ERI1: variants seen among roughly 807,000 people sequenced by gnomAD.
ERI1 encodes the protein 3'-5' exoribonuclease 1.
ERI1 carries 39 observed loss-of-function variants against 39.7 expected under a neutral mutation model. The ratio of observed to expected loss-of-function variants is 0.98; its 90% CI spans 0.76 to 1.28. The LOEUF (loss-of-function observed/expected upper bound fraction) is 1.28. ERI1 is among the 50% of genes most tolerant of loss of function. The probability of loss-of-function intolerance (pLI) is 0.00; values close to 1 mark genes in which losing one functional copy is unlikely to be tolerated. For synonymous variants in ERI1, 204 were observed against 149.6 expected (o/e 1.36, Z -2.65); for missense variants, 581 against 416.9 (o/e 1.39, Z -3.43).
chr8:9,055,823 A>T (rs1798489699), intron 3 of ERI1, among the ~76,000 whole-genome samples: 1 of 152,160 alleles, frequency 6.6e-6, no homozygotes, highest in Non-Finnish European at 1.5e-5. Context: ...TACAGGCATG[A>T]GCCACTGTGC....
intron 4 of ERI1, among the ~76,000 whole-genome samples, chr8:9,017,912 G>A (rs551695219): frequency 7.9e-5 from 12 of 152,174 alleles, no homozygotes; most frequent in Non-Finnish European, 1.6e-4. Context: ...TGTAGTATGC[G>A]TGGAAAATTG....
chr8:9,015,722 C>CAAA (rs758835506), intron 3 of ERI1, among the ~76,000 whole-genome samples: 724 of 56,072 alleles, frequency 0.013, 38 homozygotes, highest in African/African-American at 0.036. Context: ...ACTCTGTCTC[C>CAAA]AAAAAAAAAA....
chr8:9,023,506 A>G (rs1818141213), intron 6 of ERI1, among the ~76,000 whole-genome samples: 1 of 152,138 alleles, frequency 6.6e-6, no homozygotes, highest in Non-Finnish European at 1.5e-5. Context: ...ATAAGGCAAT[A>G]AAATGCTCCC....
chr8:9,081,790 G>C (rs201173334), intron 3 of ERI1, among the ~76,000 whole-genome samples: 5 of 151,630 alleles, frequency 3.3e-5, no homozygotes, highest in Admixed American at 2.0e-4. Flanking sequence ...AAGCTCCCCT[G>C]TACAGAGACA....
intron 3 of ERI1, among the ~76,000 whole-genome samples, chr8:9,063,413 T>C (rs13261370): frequency 0.15 from 22,151 of 151,936 alleles, 1,753 homozygotes; most frequent in African/African-American, 0.19. Context: ...GGGCTAGTCA[T>C]GGAATGAAAC....
chr8:9,047,479 A>G (rs1798209732), intron 3 of ERI1, among the ~76,000 whole-genome samples: 1 of 152,170 alleles, frequency 6.6e-6, no homozygotes, highest in Non-Finnish European at 1.5e-5. Context: ...TCACCTGACC[A>G]GCCTGGGCAA....
chr8:9,027,055 T>C (rs991460119), intron 6 of ERI1, among the ~76,000 whole-genome samples: 10 of 152,152 alleles, frequency 6.6e-5, no homozygotes, highest in African/African-American at 9.7e-5. Context: ...TTTCCCACAG[T>C]GGCTGTACCA....
chr8:9,082,169 A>T (rs542480973), intron 3 of ERI1, among the ~76,000 whole-genome samples: 1 of 152,224 alleles, frequency 6.6e-6, no homozygotes, highest in Non-Finnish European at 1.5e-5. Context: ...GAGGTCCACT[A>T]TGAGCCTGGT....
Position 9,011,309 on chromosome 8 carries a change from C to G in ERI1, c.288-233C>G, listed in dbSNP as rs367746134. Among the ~76,000 whole-genome samples, 122 of 152,126 alleles carry G rather than the reference C, an allele frequency of 8.0e-4. 2 individuals carry two copies. The East Asian group carries it at 0.016, about 20-fold the overall frequency. On this transcript the variant is annotated intron_variant, in intron 2 of 6. Transcript: ENST00000250263. Reference sequence around the variant, plus strand: ...TTGGAGAAAATACTGTTATATACTACTAAAATAAAAAAAGACTTGTGAAGG... The same window carrying G: ...TTGGAGAAAATACTGTTATATACTAGTAAAATAAAAAAAGACTTGTGAAGG...
intron 3 of ERI1, 24 bp from the exon 4 acceptor site, chr8:9,016,298 T>G: frequency 6.6e-7 from 1 of 1,505,420 alleles, no homozygotes; most frequent in Non-Finnish European, 9.1e-7. Context: ...TAAATTACTT[T>G]AACTTGCTAT....
chr8:9,007,932 ATCCTTTTTTTTTTTTTTTT>A lies in ERI1; in HGVS notation c.109-36_109-18del, dbSNP rs1816198932. The A allele has an allele frequency of 1.3e-5, 20 of 1,529,566 alleles. No homozygotes were observed. The highest frequency in any genetic ancestry group is 9.4e-5 in the Admixed American group (4 of 42,522). The allele number at this position is 1,529,566 out of a possible 1,614,324, so 94.7% of individuals were successfully genotyped here. On this transcript the variant is annotated intron_variant, in intron 1 of 6. Coordinates refer to ENST00000250263, the MANE Select transcript of ERI1 (RefSeq NM_153332.4). Reference sequence around the variant, plus strand: ...GATGTTTGTACTAATTATAAACTACATCCTTTTTTTTTTTTTTTTTTTTTTTTTTTTTGGTAGGAAACTC... The same window carrying A: ...GATGTTTGTACTAATTATAAACTACATTTTTTTTTTTTTGGTAGGAAACTC...
intron 3 of ERI1, among the ~76,000 whole-genome samples, chr8:9,070,118 A>G (rs1484233143): frequency 6.6e-6 from 1 of 152,064 alleles, no homozygotes; most frequent in Non-Finnish European, 1.5e-5. Context: ...AGGCACCTGT[A>G]ATCCCAGCTA....
At chr8:9,021,165 C>A (rs1048033921) in intron 6 of ERI1, among the ~76,000 whole-genome samples, 5 of 152,100 alleles carry the variant, frequency 3.3e-5, no homozygotes, top group Non-Finnish European at 7.4e-5. Context: ...CACAACTTTC[C>A]CCTGGATGTA....
intron 3 of ERI1, among the ~76,000 whole-genome samples, chr8:9,013,049 C>G (rs1816836862): frequency 1.3e-5 from 2 of 151,096 alleles, no homozygotes. Context: ...AAGATAGAGT[C>G]TTGTACCCAG....
intron 3 of ERI1, among the ~76,000 whole-genome samples, chr8:9,046,125 G>C (rs567119421): frequency 1.3e-5 from 2 of 152,156 alleles, no homozygotes; most frequent in Non-Finnish European, 2.9e-5. Context: ...CTTAGATCTG[G>C]AGACCTTGGC....
At position 9,003,117 on chromosome 8, in the gene ERI1, G is replaced by A. The variant is rs1480025967; in HGVS notation, c.54G>A (p.Leu18=). The part of the protein sequence containing the change: ...EPAGEAVALA[L]LESPRPEGGE... ...CCGGCGAGGCCGTGGCTCTCGCGCT[G>A]CTGGAGTCGCCGCGGCCGGAGGGCG... Residue 18 remains leucine, a synonymous_variant, in exon 1 of 7, where the codon CTG becomes CTA. Coordinates refer to ENST00000250263, the MANE Select transcript of ERI1 (RefSeq NM_153332.4). 1 of 1,246,426 alleles carries A rather than the reference G, an allele frequency of 8.0e-7. No individual in the cohort carries two copies. The highest frequency in any genetic ancestry group is 1.0e-6 in the Non-Finnish European group (1 of 990,286). The allele number at this position is 1,246,426 out of a possible 1,614,324, so 77.2% of individuals were successfully genotyped here.
intron 6 of ERI1, 152 bp from the exon 7 acceptor site, chr8:9,029,640 T>C (rs1268274545): frequency 7.3e-6 from 7 of 960,082 alleles, no homozygotes; most frequent in Non-Finnish European, 9.1e-6. Context: ...CTGAATTTTT[T>C]ATTTGCCTTA....
intron 3 of ERI1, among the ~76,000 whole-genome samples, chr8:9,071,733 A>C (rs1382044855): frequency 1.1e-4 from 17 of 152,206 alleles, no homozygotes; most frequent in Admixed American, 1.1e-3. Flanking sequence ...TTGGTTTTTG[A>C]GCTCCAACAG....
chr8:9,085,849 C>T (rs1434429805), intron 3 of ERI1, among the ~76,000 whole-genome samples: 4 of 152,072 alleles, frequency 2.6e-5, no homozygotes, highest in Non-Finnish European at 5.9e-5. Flanking sequence ...CTGTGAGACG[C>T]AGAACAGCAG....
Sources: allele counts gnomAD v4.1 joint callset (sites outside exome capture counted in the v4.1 genomes callset), GRCh38; gene constraint gnomAD v4.1.1; transcripts MANE v1.5; gene names NCBI Gene and HGNC (gene_info 2026-07-23, HGNC 2026-07-21).